The following PSMC1 variants were observed in gnomAD, a reference collection of about 807,000 sequenced individuals.
PSMC1 encodes proteasome 26S subunit, ATPase 1.
Under a neutral mutation model 49.8 loss-of-function variants are expected in PSMC1, and 5 were observed. The ratio of observed to expected loss-of-function variants is 0.10; its 90% confidence interval spans 0.05 to 0.21. The LOEUF is 0.21. Ranked by LOEUF, PSMC1 falls within the 10% of genes least tolerant of loss-of-function variation. The probability of loss-of-function intolerance (pLI) is 1.00; values close to 1 mark genes in which losing one functional copy is unlikely to be tolerated. For missense variants in PSMC1, 181 were observed against 535.7 expected (o/e 0.34, Z 6.54); for synonymous variants, 155 against 192.1 (o/e 0.81, Z 1.60).
At position 90,268,261 on chromosome 14, in the gene PSMC1, C is replaced by T. The variant is rs1048144078; in HGVS notation, c.729C>T (p.Thr243=). ...TLLAKAVANQ[T]SATFLRVVGS... ...TAGCCAAAGCAGTAGCAAACCAAAC[C>T]TCAGCCACTTTCTTGAGAGTGGTTG... Residue 243 remains threonine, a synonymous_variant, in exon 8 of 11, where the codon ACC becomes ACT. Transcript: ENST00000261303. 3.1e-6 allele frequency: 5 copies of T among 1,604,596 alleles called. No homozygotes were observed. Among genetic ancestry groups the T allele is most frequent in the Non-Finnish European group, 4.3e-6 (5 of 1,175,946 alleles).
At chr14:90,259,027 G>A (rs1439226772) in intron 1 of PSMC1, 133 bp from the exon 2 acceptor site, 15 of 722,706 alleles carry the variant, frequency 2.1e-5, no homozygotes, top group Middle Eastern at 3.8e-4. Context: ...TTACATCTTG[G>A]GTTCAGAAAT....
At position 90,272,869 on chromosome 14, in the gene PSMC1, CT is replaced by C. The variant is rs780969852; in HGVS notation, c.*463del. The C allele has an allele frequency of 3.7e-3, 568 of 153,122 alleles. 2 individuals carry two copies. Among genetic ancestry groups the C allele is most frequent in the African/African-American group, 0.013 (532 of 41,576 alleles). The allele number at this position is 153,122 out of a possible 1,614,324, so 9.5% of individuals were successfully genotyped here. A position where few individuals can be genotyped will look rare whatever the true frequency, so the allele number is the denominator to read the frequency against. ...AATAATAAAGGCTGCGTTAATGTGG[CT>C]ATTGCTTCCAAAGGAAGTACAGCTT... is the stretch of plus-strand genomic sequence containing the variant. On this transcript the variant is annotated 3_prime_UTR_variant, in exon 11 of 11. Coordinates refer to ENST00000261303, the MANE Select transcript of PSMC1 (RefSeq NM_002802.3). The surrounding 1 kb of genome is among the most constrained non-coding windows in gnomAD (Gnocchi z 4.5).
rs76402055 is a variant in PSMC1 at position 90,260,298 on chromosome 14, C to T, written c.154+87C>T. 5.8e-4 allele frequency: 545 copies of T among 940,612 alleles called. 6 individuals carry two copies. In the East Asian group the frequency reaches 0.012, roughly 21 times the overall value. The allele number at this position is 940,612 out of a possible 1,614,324, so 58.3% of individuals were successfully genotyped here. On this transcript the variant is annotated intron_variant, in intron 3 of 10. Transcript: ENST00000261303. ...GTAGCTTAGAGTCTGAAAGGGGTAACAGGAAGTAGAGGGGCAACTGAAGCT... is the reference window on the plus strand; with the variant it reads ...GTAGCTTAGAGTCTGAAAGGGGTAATAGGAAGTAGAGGGGCAACTGAAGCT...
In PSMC1 at chr14:90,266,480, C is replaced by G. The variant is rs11845034; in HGVS notation, c.691+1314C>G. On this transcript the variant is annotated intron_variant, in intron 7 of 10. Transcript: ENST00000261303. ...TAGAAGAGATCCCTCTTCTACAGCC[C>G]CTCATCTTACAGCTTAGGAAATTAT... 5.5e-3 allele frequency among the ~76,000 whole-genome samples: 835 copies of G among 152,260 alleles called. 9 individuals are homozygous for G. Among genetic ancestry groups the G allele is most frequent in the African/African-American group, 0.019 (791 of 41,548 alleles).
chr14:90,257,390 T>C (rs1891315615), intron 1 of PSMC1, among the ~76,000 whole-genome samples: 1 of 152,048 alleles, frequency 6.6e-6, no homozygotes, highest in African/African-American at 2.4e-5. Flanking sequence ...AAGGGATAGC[T>C]TGGAGGAGTG....
intron 2 of PSMC1, among the ~76,000 whole-genome samples, chr14:90,259,460 T>C (rs1168843567): frequency 6.6e-6 from 1 of 152,204 alleles, no homozygotes; most frequent in Admixed American, 6.5e-5. Context: ...ATAGAAGTAT[T>C]AAAGTAAATT....
chr14:90,269,265 T>G lies in PSMC1; in HGVS notation c.882-132T>G, dbSNP rs1175220454. On this transcript the variant is annotated intron_variant, in intron 8 of 10. Transcript: ENST00000261303. ...TGAATTTATTTTTTCCGAGCATAATTGAGGGAGTGCCATGTGAGTTGAAAC... is the reference window on the plus strand; with the variant it reads ...TGAATTTATTTTTTCCGAGCATAATGGAGGGAGTGCCATGTGAGTTGAAAC... 37 of 749,996 alleles carry G rather than the reference T, an allele frequency of 4.9e-5. No homozygotes were observed. The East Asian group carries it at 6.6e-4, about 13-fold the overall frequency. 46.5% of individuals were successfully genotyped at this position (749,996 alleles called of 1,614,324 possible).
At chr14:90,268,442 GT>G in intron 8 of PSMC1, 29 bp downstream of exon 8, 2 of 1,606,512 alleles carry the variant, frequency 1.2e-6, no homozygotes, top group East Asian at 2.2e-5. Flanking sequence ...ATTTTGCCTT[GT>G]TTAGTAGGGA....
chr14:90,263,427 A>G lies in PSMC1; in HGVS notation c.264A>G (p.Leu88=). ...FIRNQEQMKP[L]EEKQEEERSK... is the part of the protein sequence containing the mutation. ...GAAATCAGGAACAAATGAAACCATT[A>G]GAAGAAAAGCAAGAGGTAAGTTGAA... Residue 88 remains leucine (L), a synonymous_variant, in exon 4 of 11, where the codon TTA becomes TTG. Coordinates refer to ENST00000261303, the MANE Select transcript of PSMC1 (RefSeq NM_002802.3). The G allele has an allele frequency of 7.6e-6, 12 of 1,579,422 alleles. No individual in the cohort carries two copies. The highest frequency in any genetic ancestry group is 1.0e-5 in the Non-Finnish European group (12 of 1,167,880).
intron 10 of PSMC1, chr14:90,270,761 G>A (rs961126080): frequency 6.3e-6 from 1 of 157,836 alleles, no homozygotes; most frequent in South Asian, 2.0e-4. Context: ...GGTTGTACCA[G>A]ATTATACTTC....
intron 8 of PSMC1, 55 bp downstream of exon 8, chr14:90,268,468 T>G: frequency 1.6e-4 from 246 of 1,540,562 alleles, no homozygotes; most frequent in Middle Eastern, 3.4e-4. Flanking sequence ...CGCATAGCTC[T>G]TCTCTTGAGA....
intron 4 of PSMC1, 61 bp from the exon 5 acceptor site, chr14:90,263,601 T>TTAGAA: frequency 6.4e-7 from 1 of 1,562,218 alleles, no homozygotes. Context: ...TCTAGCGAAC[T>TTAGAA]ATCAGGATCA....
At chr14:90,266,596 A>G (rs1566673961) in intron 7 of PSMC1, among the ~76,000 whole-genome samples, 1 of 152,204 alleles carries the variant, frequency 6.6e-6, no homozygotes, top group East Asian at 1.9e-4. Context: ...CCTGACCCAC[A>G]GCTGCAGGCC....
intron 3 of PSMC1, among the ~76,000 whole-genome samples, chr14:90,263,097 T>A (rs1891432645): frequency 6.6e-6 from 1 of 152,206 alleles, no homozygotes. Context: ...CATTTGGGGC[T>A]AGCTATTTGG....
intron 3 of PSMC1, among the ~76,000 whole-genome samples, chr14:90,260,481 C>T (rs142600930): frequency 0.029 from 4,408 of 152,236 alleles, 212 homozygotes; most frequent in African/African-American, 0.1. Context: ...CCTGTAATCC[C>T]AGCACTTTGG....
intron 3 of PSMC1, among the ~76,000 whole-genome samples, chr14:90,261,044 C>T (rs929427340): frequency 2.5e-4 from 38 of 152,322 alleles, no homozygotes; most frequent in African/African-American, 9.1e-4. Context: ...TTTTCAATGG[C>T]TTCCTGCCGA....
rs1891304616 is a variant in PSMC1 at position 90,256,864 on chromosome 14, G to A, written c.3+264G>A. On this transcript the variant is annotated intron_variant, in intron 1 of 10. Transcript: ENST00000261303. ...GGTCTCCTGCGTGGTCTTGTGGGGCGGCAGAACGGATCAGGCCGCTGGCTT... is the reference window on the plus strand; with the variant it reads ...GGTCTCCTGCGTGGTCTTGTGGGGCAGCAGAACGGATCAGGCCGCTGGCTT... 3.3e-5 allele frequency among the ~76,000 whole-genome samples: 5 copies of A among 152,214 alleles called. No homozygotes were observed. In the South Asian group the frequency reaches 1.0e-3, roughly 32 times the overall value.
chr14:90,269,253 T>C (rs1891598222), intron 8 of PSMC1, 144 bp from the exon 9 acceptor site: 1 of 701,384 alleles, frequency 1.4e-6, no homozygotes, highest in Admixed American at 3.0e-5. Flanking sequence ...ATTTATTTTT[T>C]CCGAGCATAA....
chr14:90,257,982 G>T (rs559671919), intron 1 of PSMC1, among the ~76,000 whole-genome samples: 119 of 152,276 alleles, frequency 7.8e-4, no homozygotes, highest in African/African-American at 2.8e-3. Context: ...CAGTTCCCTC[G>T]AGGTAATTAC....
Sources: allele counts gnomAD v4.1 joint callset (sites outside exome capture counted in the v4.1 genomes callset), GRCh38; gene constraint gnomAD v4.1.1; non-coding constraint Gnocchi (gnomAD v3.1); transcripts MANE v1.5; gene names NCBI Gene and HGNC (gene_info 2026-07-23, HGNC 2026-07-21).